Variants in LARP4B observed in about 807,000 individuals in gnomAD.
LARP4B encodes the protein la-related protein 4B.
A neutral mutation model predicts 89.8 loss-of-function variants in LARP4B; 12 were observed. The ratio of observed to expected loss-of-function variants is 0.13; its 90% CI spans 0.09 to 0.22. The LOEUF (loss-of-function observed/expected upper bound fraction) is 0.22. LARP4B is among the 10% of genes least tolerant of loss of function. LARP4B has a pLI of 1.00. For missense variants in LARP4B, 757 were observed against 947.7 expected, an observed-to-expected ratio of 0.80 and a Z score of 2.64; for synonymous variants, 367 against 363.3, an observed-to-expected ratio of 1.01 and a Z score of -0.12.
intron 5 of LARP4B, among the ~76,000 whole-genome samples, chr10:861,459 CAGATGAA>C (rs1197464667): frequency 5.9e-5 from 9 of 152,128 alleles, no homozygotes; most frequent in African/African-American, 2.2e-4. Flanking sequence ...TAGGTGGAGG[CAGATGAA>C]GGAGGAAGAC....
Position 885,621 on chromosome 10 carries a change from C to A in LARP4B, c.81+20G>T, listed in dbSNP as rs1157124756. On this transcript the variant is annotated intron_variant, in intron 2 of 17. Coordinates refer to ENST00000316157, the MANE Select transcript of LARP4B (RefSeq NM_015155.3). ...AAAAAAAGCAATGGACTCCCCACCA[C>A]CCCATTCGACAGCACCCACCAGATG... 1 of 1,598,026 alleles carries A rather than the reference C, an allele frequency of 6.3e-7. No individual in the cohort carries two copies. The highest frequency in any genetic ancestry group is 1.7e-5 in the Admixed American group (1 of 58,020).
intron 1 of LARP4B, among the ~76,000 whole-genome samples, chr10:925,084 G>A (rs1205078833): frequency 6.6e-6 from 1 of 152,236 alleles, no homozygotes; most frequent in Non-Finnish European, 1.5e-5. Context: ...GGGAGACAAG[G>A]AGAGTGCAGG....
chr10:863,710 C>T (rs774089712), intron 5 of LARP4B, 33 bp downstream of exon 5: 8 of 1,561,300 alleles, frequency 5.1e-6, no homozygotes, highest in Non-Finnish European at 6.9e-6. Context: ...AGCCCATATT[C>T]CCTGGGAAAA....
intron 11 of LARP4B, among the ~76,000 whole-genome samples, chr10:826,973 T>A (rs1289386492): frequency 6.6e-6 from 1 of 152,190 alleles, no homozygotes; most frequent in South Asian, 2.1e-4. Flanking sequence ...GAATCGGACT[T>A]TTTAAAATAC....
intron 4 of LARP4B, 91 bp from the exon 5 acceptor site, chr10:863,974 T>C (rs1410139123): frequency 3.9e-6 from 6 of 1,557,012 alleles, no homozygotes; most frequent in East Asian, 4.5e-5. Context: ...TCAACTTCTT[T>C]AGACTGTAAA....
At chr10:903,282 T>A (rs950121396) in intron 1 of LARP4B, 1 of 152,236 alleles carries the variant, frequency 6.6e-6, no homozygotes, top group Non-Finnish European at 1.5e-5. Flanking sequence ...GCAAACAAAG[T>A]ATACCCAGAG....
Position 812,999 on chromosome 10 carries a change from C to A in LARP4B, c.2144G>T (p.Gly715Val), listed in dbSNP as rs1831827350. 3 of 1,590,676 alleles carry A rather than the reference C, an allele frequency of 1.9e-6. No individual in the cohort carries two copies. The highest frequency in any genetic ancestry group is 1.1e-5 in the South Asian group (1 of 87,022). Residue 715 changes from glycine (G) to valine (V), a missense_variant, in exon 18 of 18, where the codon GGC becomes GTC. Around this residue, in one of 5 missense-constraint regions of LARP4B, gnomAD observed 387 missense variants for 423.6 expected, o/e 0.91. Transcript: ENST00000316157. ...APRDQRRPAG[G>V]RPSPSAMGKR... ...CCCCATGGCCGAGGGCGAGGGCCGGCCCCCCGCCGGCCGCCTCTGGTCTCT... is the reference window on the plus strand; with the variant it reads ...CCCCATGGCCGAGGGCGAGGGCCGGACCCCCGCCGGCCGCCTCTGGTCTCT...
intron 5 of LARP4B, among the ~76,000 whole-genome samples, chr10:858,996 A>G (rs1447238287): frequency 4.6e-5 from 7 of 152,170 alleles, no homozygotes; most frequent in Non-Finnish European, 8.8e-5. Context: ...TACAAAAAAT[A>G]CAAAAGTTAG....
At chr10:881,921 C>T (rs949354547) in intron 3 of LARP4B, among the ~76,000 whole-genome samples, 1 of 152,198 alleles carries the variant, frequency 6.6e-6, no homozygotes, top group Non-Finnish European at 1.5e-5. Context: ...ATCACTTGCA[C>T]TCAGTTTTGA....
At chr10:890,728 T>C (rs1288113671) in intron 1 of LARP4B, among the ~76,000 whole-genome samples, 1 of 152,204 alleles carries the variant, frequency 6.6e-6, no homozygotes, top group African/African-American at 2.4e-5. Flanking sequence ...ATTATTATTA[T>C]TTTTAACTAT....
chr10:854,692 G>A (rs1834215368), intron 5 of LARP4B, among the ~76,000 whole-genome samples: 1 of 152,086 alleles, frequency 6.6e-6, no homozygotes, highest in African/African-American at 2.4e-5. Context: ...AGAACACAGG[G>A]AGAGCAAATT....
At position 829,741 on chromosome 10, in the gene LARP4B, G is replaced by T; in HGVS notation, c.862-7C>A. On this transcript the variant is annotated splice_region_variant and splice_polypyrimidine_tract_variant and intron_variant, in intron 9 of 17. Coordinates refer to ENST00000316157, the MANE Select transcript of LARP4B (RefSeq NM_015155.3). ...CTCGAAGGTATTTGTAAGCCTAAGGGCAAAATTAAGTACAAAATTCCATTC... is the reference window on the plus strand; with the variant it reads ...CTCGAAGGTATTTGTAAGCCTAAGGTCAAAATTAAGTACAAAATTCCATTC... 1 of 1,606,834 alleles carries T rather than the reference G, an allele frequency of 6.2e-7. No individual in the cohort carries two copies. The highest frequency in any genetic ancestry group is 1.3e-5 in the African/African-American group (1 of 74,884).
intron 1 of LARP4B, among the ~76,000 whole-genome samples, chr10:930,857 CG>C (rs1564450877): frequency 6.6e-6 from 1 of 151,980 alleles, no homozygotes; most frequent in Non-Finnish European, 1.5e-5. Context: ...CGCACCCGCA[CG>C]GCCGCCTATC....
At chr10:935,286 C>T (rs1005935293), upstream of LARP4B, among the ~76,000 whole-genome samples, 2 of 152,186 alleles carry the variant, frequency 1.3e-5, no homozygotes, top group African/African-American at 4.8e-5. Context: ...CAGCTCCAGA[C>T]GCTGCGCTGC....
the LARP4B span, among the ~76,000 whole-genome samples, chr10:941,735 ATTTT>A: frequency 1.3e-5 from 2 of 151,792 alleles, no homozygotes; most frequent in East Asian, 3.9e-4. Context: ...TATTTCAGTT[ATTTT>A]TTTATTTTTT....
the LARP4B span, among the ~76,000 whole-genome samples, chr10:949,586 C>A: frequency 2.0e-5 from 3 of 152,248 alleles, no homozygotes; most frequent in Non-Finnish European, 4.4e-5. Flanking sequence ...GATCTGCTCT[C>A]CCCGTCCTCA....
chr10:951,121 A>C, the LARP4B span, among the ~76,000 whole-genome samples: 15 of 152,184 alleles, frequency 9.9e-5, no homozygotes, highest in Non-Finnish European at 1.9e-4. Context: ...CAGTGGTGAT[A>C]ACAGGCATCC....
At chr10:869,040 G>A (rs1033970326) in intron 3 of LARP4B, among the ~76,000 whole-genome samples, 1 of 152,166 alleles carries the variant, frequency 6.6e-6, no homozygotes, top group Non-Finnish European at 1.5e-5. Flanking sequence ...CTGGAAAGAT[G>A]CTCAAATTAG....
chr10:839,471 A>C (rs997291941), intron 7 of LARP4B, among the ~76,000 whole-genome samples: 2 of 152,258 alleles, frequency 1.3e-5, no homozygotes, highest in African/African-American at 4.8e-5. Flanking sequence ...TAAAACTAAT[A>C]AAGTATGTGT....
Sources: gnomAD v4.1 joint callset for allele counts (sites outside exome capture counted in the v4.1 genomes callset) on GRCh38, gnomAD v4.1.1 for gene constraint, gnomAD v4.1.1 regional missense constraint, MANE v1.5 for transcripts, NCBI Gene and HGNC (gene_info 2026-07-23, HGNC 2026-07-21) for gene names.